The following TMEM177 variants were observed in gnomAD, a reference collection of about 807,000 sequenced individuals.
TMEM177 encodes the protein transmembrane protein 177.
In TMEM177, 4 loss-of-function variants were observed where a neutral mutation model predicts 14.2. That is an observed-to-expected ratio of 0.28 (90% CI 0.14 to 0.64). TMEM177 has a LOEUF of 0.64. Among genes scored for constraint, TMEM177 ranks in the 30% least tolerant of loss-of-function variants. The pLI is 0.82. For missense variants in TMEM177, 344 were observed against 405.2 expected (o/e 0.85, Z 1.30); for synonymous variants, 179 against 174.5 (o/e 1.03, Z -0.20).
At chr2:119,719,187 C>T in the TMEM177 span, among the ~76,000 whole-genome samples, 4 of 152,214 alleles carry the variant, frequency 2.6e-5, no homozygotes, top group African/African-American at 9.7e-5. Context: ...AGCTGCCCTC[C>T]TGCCCCTTTC....
the TMEM177 span, among the ~76,000 whole-genome samples, chr2:119,704,828 GTTATATT>G: frequency 6.6e-6 from 1 of 152,186 alleles, no homozygotes; most frequent in African/African-American, 2.4e-5. Context: ...CTGTAAAATG[GTTATATT>G]AATCCATGCC....
chr2:119,702,996 C>T, the TMEM177 span, among the ~76,000 whole-genome samples: 4 of 152,210 alleles, frequency 2.6e-5, no homozygotes, highest in South Asian at 2.1e-4. Flanking sequence ...CACTGTTTCC[C>T]GCAGATGCCC....
chr2:119,694,249 CAT>C, the TMEM177 span, among the ~76,000 whole-genome samples: 51 of 146,826 alleles, frequency 3.5e-4, no homozygotes, highest in African/African-American at 1.0e-3. Context: ...ACTTACCACA[CAT>C]GTGCAACATA....
chr2:119,714,742 G>C, the TMEM177 span, among the ~76,000 whole-genome samples: 1 of 152,352 alleles, frequency 6.6e-6, no homozygotes, highest in African/African-American at 2.4e-5. Flanking sequence ...CCAGGGGGCT[G>C]CTTAGATCCT....
Position 119,681,267 on chromosome 2 carries a change from G to T in TMEM177, c.414G>T (p.Arg138=). Residue 138 remains arginine (R), a synonymous_variant, in exon 2 of 2, where the codon CGG becomes CGT. Coordinates refer to ENST00000272521, the MANE Select transcript of TMEM177 (RefSeq NM_030577.3). ...ACTGGCGGAGCCCAGCAGGCGCCCG[G>T]CTGAGAGCTTCCCTGACCTTGTCCC... ...TVDWRSPAGA[R]LRASLTLSRE... is the part of the protein sequence containing the mutation. 1 of 1,614,256 alleles carries T rather than the reference G, an allele frequency of 6.2e-7. No homozygotes were observed. Among genetic ancestry groups the T allele is most frequent in the Non-Finnish European group, 8.5e-7 (1 of 1,180,046 alleles).
chr2:119,693,933 AT>A, the TMEM177 span, among the ~76,000 whole-genome samples: 22 of 1,922 alleles, frequency 0.011, 1 homozygote, highest in African/African-American at 0.021. Context: ...TGCCACACAC[AT>A]CACACAAGCC....
the TMEM177 span, among the ~76,000 whole-genome samples, chr2:119,706,930 GAGA>G: frequency 4.2e-5 from 6 of 141,958 alleles, no homozygotes; most frequent in Non-Finnish European, 1.5e-5. Flanking sequence ...TTTTATTTTT[GAGA>G]AGGAGTCTCG....
chr2:119,702,743 A>T, the TMEM177 span, among the ~76,000 whole-genome samples: 8 of 152,252 alleles, frequency 5.3e-5, no homozygotes, highest in Non-Finnish European at 1.2e-4. Flanking sequence ...GTGTGATTGC[A>T]GAAGGCTTCC....
At chr2:119,710,708 C>G in the TMEM177 span, among the ~76,000 whole-genome samples, 1 of 151,930 alleles carries the variant, frequency 6.6e-6, no homozygotes, top group Non-Finnish European at 1.5e-5. Flanking sequence ...CTCCCGGGTT[C>G]ACGCCTTTCT....
chr2:119,684,253 C>T (rs186494612), downstream of TMEM177, among the ~76,000 whole-genome samples: 19 of 152,322 alleles, frequency 1.2e-4, no homozygotes, highest in African/African-American at 4.6e-4. Context: ...GGGCTGCGGT[C>T]TCACAGCCTG....
chr2:119,684,268 G>A (rs374933061), downstream of TMEM177, among the ~76,000 whole-genome samples: 1 of 152,140 alleles, frequency 6.6e-6, no homozygotes. Context: ...AGCCTGCCCG[G>A]TGCTCAGTTA....
At position 119,681,100 on chromosome 2, in the gene TMEM177, T is replaced by G; in HGVS notation, c.247T>G (p.Phe83Val). The change falls in exon 2 of 2, where the codon TTC becomes GTC. Residue 83 changes from phenylalanine to valine, a missense_variant. Transcript: ENST00000272521. ...TCCTTCAGGCCATTGCTACAAGCCC[T>G]TCACCACCTTCACCTTCCAACCTGT... ...GVPSGHCYKPFTTFTFQPVSA... is the reference protein window; with the variant it reads ...GVPSGHCYKPVTTFTFQPVSA... The G allele has an allele frequency of 1.9e-6, 3 of 1,614,238 alleles. No homozygotes were observed. The highest frequency in any genetic ancestry group is 2.5e-6 in the Non-Finnish European group (3 of 1,180,036).
the TMEM177 span, among the ~76,000 whole-genome samples, chr2:119,721,160 G>A: frequency 6.6e-6 from 1 of 152,220 alleles, no homozygotes; most frequent in Non-Finnish European, 1.5e-5. Context: ...TCACCAGAAA[G>A]ACCAACCACG....
downstream of TMEM177, among the ~76,000 whole-genome samples, chr2:119,685,161 T>A (rs1688990296): frequency 6.6e-6 from 1 of 151,422 alleles, no homozygotes; most frequent in African/African-American, 2.4e-5. Context: ...ACCCAGGACT[T>A]GGCTGACTTA....
Position 119,681,721 on chromosome 2 carries a change from C to G in TMEM177, c.868C>G (p.Pro290Ala), listed in dbSNP as rs777534156. 1 of 1,614,150 alleles carries G rather than the reference C, an allele frequency of 6.2e-7. No individual in the cohort carries two copies. The highest frequency in any genetic ancestry group is 8.5e-7 in the Non-Finnish European group (1 of 1,180,048). ...ACACTTGTTCCGAATCAAACATTTACCCTACACCACCCGCCGGGACTCTGT... is the reference window on the plus strand; with the variant it reads ...ACACTTGTTCCGAATCAAACATTTAGCCTACACCACCCGCCGGGACTCTGT... ...PRHLFRIKHLPYTTRRDSVLQ... is the reference protein window; with the variant it reads ...PRHLFRIKHLAYTTRRDSVLQ... Residue 290 changes from proline (P) to alanine (A), a missense_variant, in exon 2 of 2, where the codon CCC (proline) becomes GCC (alanine). Coordinates refer to ENST00000272521, the MANE Select transcript of TMEM177 (RefSeq NM_030577.3).
At chr2:119,693,743 G>A in the TMEM177 span, among the ~76,000 whole-genome samples, 1 of 152,092 alleles carries the variant, frequency 6.6e-6, no homozygotes, top group Non-Finnish European at 1.5e-5. Context: ...GCTCCTGTGG[G>A]TGCCACGTGA....
downstream of TMEM177, among the ~76,000 whole-genome samples, chr2:119,687,403 AAG>A (rs1365142237): frequency 6.6e-6 from 1 of 152,208 alleles, no homozygotes; most frequent in Admixed American, 6.5e-5. Context: ...TTATAAAGAA[AAG>A]AGGTTTAATT....
the TMEM177 span, among the ~76,000 whole-genome samples, chr2:119,712,109 CGT>C: frequency 6.6e-6 from 1 of 151,872 alleles, no homozygotes; most frequent in Non-Finnish European, 1.5e-5. Context: ...GAGGCGTTGG[CGT>C]TAAGGCACCC....
chr2:119,686,548 C>CG (rs1689018080), downstream of TMEM177: 1 of 152,072 alleles, frequency 6.6e-6, no homozygotes, highest in South Asian at 2.1e-4. Context: ...TTAGCGTGGA[C>CG]GGTGGTCCTT....
Sources: gnomAD v4.1 joint callset for allele counts (sites outside exome capture counted in the v4.1 genomes callset) on GRCh38, gnomAD v4.1.1 for gene constraint, MANE v1.5 for transcripts, NCBI Gene and HGNC (gene_info 2026-07-23, HGNC 2026-07-21) for gene names.